Variants in TBP observed in about 807,000 individuals in gnomAD.
TBP encodes TATA-box-binding protein.
In TBP, 12 loss-of-function variants were observed where a neutral mutation model predicts 46.2. The ratio of observed to expected loss-of-function variants is 0.26; its 90% confidence interval spans 0.17 to 0.42. TBP has a LOEUF of 0.42. TBP is among the 10% of genes least tolerant of loss of function. TBP has a pLI of 1.00. For missense variants in TBP, 229 were observed against 403.1 expected, an observed-to-expected ratio of 0.57 and a Z score of 3.70; for synonymous variants, 157 against 148.3, an observed-to-expected ratio of 1.06 and a Z score of -0.42.
intron 2 of TBP, 136 bp from the exon 3 acceptor site, chr6:170,561,655 G>A (rs886958754): frequency 6.1e-6 from 9 of 1,475,392 alleles, no homozygotes; most frequent in South Asian, 2.7e-5. Flanking sequence ...TGGTTCTTCC[G>A]TAATTAATGT....
chr6:170,559,710 G>A (rs921343555), intron 2 of TBP, among the ~76,000 whole-genome samples: 1 of 152,180 alleles, frequency 6.6e-6, no homozygotes, highest in African/African-American at 2.4e-5. Context: ...TGATGAAGGT[G>A]ACTATACTAA....
chr6:170,571,291 ACTGTGTTTTAC>A (rs1416196497), intron 6 of TBP, 108 bp from the exon 7 acceptor site: 11 of 681,882 alleles, frequency 1.6e-5, no homozygotes, highest in Admixed American at 5.6e-5. Context: ...TGCTTGAAGA[ACTGTGTTTTAC>A]CTCTTGACTA....
chr6:170,569,322 C>T (rs1236927644), intron 5 of TBP, among the ~76,000 whole-genome samples: 3 of 152,156 alleles, frequency 2.0e-5, no homozygotes, highest in South Asian at 2.1e-4. Context: ...GGCTAAAATA[C>T]AGAAATAGTG....
Position 170,561,952 on chromosome 6 carries a change from ACAGCAACAGCAG to A in TBP, c.222_233del (p.Gln92_Gln95del), listed in dbSNP as rs1779149773. 21 of 210,698 alleles carry A rather than the reference ACAGCAACAGCAG, an allele frequency of 1.0e-4. No individual in the cohort carries two copies. Among genetic ancestry groups the A allele is most frequent in the Admixed American group, 4.0e-4 (3 of 7,438 alleles). 13.1% of individuals were successfully genotyped at this position (210,698 alleles called of 1,614,324 possible). A position where few individuals can be genotyped will look rare whatever the true frequency, so the allele number is the denominator to read the frequency against. On this transcript the variant is annotated inframe_deletion, in exon 3 of 8. Coordinates refer to ENST00000392092, the MANE Select transcript of TBP (RefSeq NM_003194.5). Reference sequence around the variant, plus strand: ...AGCAGCAGCAGCAGCAGCAGCAGCAACAGCAACAGCAGCAGCAGCAGCAGCAGCAGCAGCAGC... The same window carrying A: ...AGCAGCAGCAGCAGCAGCAGCAGCAACAGCAGCAGCAGCAGCAGCAGCAGC...
At chr6:170,568,555 C>T (rs556347756) in intron 5 of TBP, among the ~76,000 whole-genome samples, 2 of 151,608 alleles carry the variant, frequency 1.3e-5, no homozygotes, top group African/African-American at 4.8e-5. Flanking sequence ...CCTGGGTTCA[C>T]GCCATTCTCT....
chr6:170,571,368 C>G (rs1195324367), intron 6 of TBP, 42 bp from the exon 7 acceptor site: 3 of 1,440,118 alleles, frequency 2.1e-6, no homozygotes, highest in South Asian at 1.2e-5. Context: ...TAAAAGCACA[C>G]AAAGCTCTTG....
rs773452147 is a variant in TBP at position 170,572,315 on chromosome 6, A to G, written c.*50A>G. ...CCCACCCCCTTCTTTTTTTTTTTTTAAACAAATCAGTTTGTTTTGGTACCT... is the reference window on the plus strand; with the variant it reads ...CCCACCCCCTTCTTTTTTTTTTTTTGAACAAATCAGTTTGTTTTGGTACCT... On this transcript the variant is annotated 3_prime_UTR_variant, in exon 8 of 8. Transcript: ENST00000392092. The G allele has an allele frequency of 1.6e-6, 2 of 1,269,732 alleles. No individual in the cohort carries two copies. The highest frequency in any genetic ancestry group is 4.1e-5 in the Admixed American group (2 of 49,106). The allele number at this position is 1,269,732 out of a possible 1,614,324, so 78.7% of individuals were successfully genotyped here.
chr6:170,559,510 CAAAGTGTAATA>C (rs1779100341), intron 2 of TBP, among the ~76,000 whole-genome samples: 1 of 152,156 alleles, frequency 6.6e-6, no homozygotes, highest in Non-Finnish European at 1.5e-5. Flanking sequence ...CCCCTTAAGC[CAAAGTGTAATA>C]CAGAGCAAGG....
intron 5 of TBP, among the ~76,000 whole-genome samples, chr6:170,567,929 A>G (rs1779295130): frequency 6.6e-6 from 1 of 152,256 alleles, no homozygotes; most frequent in Non-Finnish European, 1.5e-5. Context: ...AAATGAACTG[A>G]ACAAATAAAC....
chr6:170,562,843 C>CT (rs767947135), intron 3 of TBP, among the ~76,000 whole-genome samples: 3 of 152,120 alleles, frequency 2.0e-5, no homozygotes, highest in Non-Finnish European at 4.4e-5. Context: ...AAGTGTATAG[C>CT]TTTTCATTTT....
chr6:170,572,314 T>C lies in TBP; in HGVS notation c.*49T>C. On this transcript the variant is annotated 3_prime_UTR_variant, in exon 8 of 8. Coordinates refer to ENST00000392092, the MANE Select transcript of TBP (RefSeq NM_003194.5). The stretch of plus-strand genomic sequence containing the variant: ...CCCCACCCCCTTCTTTTTTTTTTTT[T>C]AAACAAATCAGTTTGTTTTGGTACC... The C allele has an allele frequency of 7.6e-7, 1 of 1,316,210 alleles. No individual in the cohort carries two copies. The highest frequency in any genetic ancestry group is 1.3e-5 in the South Asian group (1 of 79,548). 81.5% of individuals were successfully genotyped at this position (1,316,210 alleles called of 1,614,324 possible).
chr6:170,564,617 C>T lies in TBP; in HGVS notation c.570C>T (p.Ala190=), dbSNP rs143116974. 5.0e-5 allele frequency: 80 copies of T among 1,608,314 alleles called. No individual in the cohort carries two copies. The African/African-American group carries it at 9.1e-4, about 18-fold the overall frequency. The change falls in exon 4 of 8, where the codon GCC becomes GCT. Residue 190 remains alanine (A), a synonymous_variant. Transcript: ENST00000392092. ...LKTIALRARN[A]EYNPKRFAAV... ...CCATTGCACTTCGTGCCCGAAACGCCGAATATAATCCCAAGGTTAGATCTA... is the reference window on the plus strand; with the variant it reads ...CCATTGCACTTCGTGCCCGAAACGCTGAATATAATCCCAAGGTTAGATCTA...
intron 1 of TBP, among the ~76,000 whole-genome samples, chr6:170,554,949 G>C (rs1778987802): frequency 6.6e-6 from 1 of 152,132 alleles, no homozygotes; most frequent in Admixed American, 6.5e-5. Flanking sequence ...AGGGTCTCCC[G>C]TCTCTCGGTT....
chr6:170,560,977 A>T (rs1324479700), intron 2 of TBP, among the ~76,000 whole-genome samples: 1 of 152,224 alleles, frequency 6.6e-6, no homozygotes, highest in African/African-American at 2.4e-5. Context: ...AAATGCTGTC[A>T]AATAGTATCA....
Position 170,556,947 on chromosome 6 carries a change from T to C in TBP, c.-83T>C. 3 of 1,315,772 alleles carry C rather than the reference T, an allele frequency of 2.3e-6. No individual in the cohort carries two copies. Among genetic ancestry groups the C allele is most frequent in the Non-Finnish European group, 3.3e-6 (3 of 912,298 alleles). The allele number at this position is 1,315,772 out of a possible 1,614,324, so 81.5% of individuals were successfully genotyped here. ...GAGGAAGTTGCTGAGAAGAGTGTGC[T>C]GGAGATGCTCTAGGAAAAAATTGAA... On this transcript the variant is annotated 5_prime_UTR_variant, in exon 2 of 8. Coordinates refer to ENST00000392092, the MANE Select transcript of TBP (RefSeq NM_003194.5).
At chr6:170,569,120 C>G (rs1003758146) in intron 5 of TBP, among the ~76,000 whole-genome samples, 5 of 152,144 alleles carry the variant, frequency 3.3e-5, no homozygotes, top group African/African-American at 9.7e-5. Flanking sequence ...GGCCCACATT[C>G]TGCTTTTCTT....
At chr6:170,556,344 A>G (rs1206587316) in intron 1 of TBP, among the ~76,000 whole-genome samples, 3 of 143,864 alleles carry the variant, frequency 2.1e-5, no homozygotes, top group Non-Finnish European at 4.5e-5. Flanking sequence ...ATAAAAATTC[A>G]GGGCTTTATC....
At chr6:170,559,090 T>C (rs1007822728) in intron 2 of TBP, among the ~76,000 whole-genome samples, 3 of 152,234 alleles carry the variant, frequency 2.0e-5, no homozygotes, top group Admixed American at 2.0e-4. Context: ...AGGAACTTAA[T>C]TGATAAATGT....
chr6:170,572,243 A>T lies in TBP; in HGVS notation c.998A>T (p.Lys333Met). ...EAFENIYPILKGFRKTT is the reference protein window; with the variant it reads ...EAFENIYPILMGFRKTT ...TTTGAAAACATCTACCCTATTCTAA[A>T]GGGATTCAGGAAGACGACGTAATGG... Residue 333 changes from lysine (K) to methionine (M), a missense_variant, in exon 8 of 8, where the codon AAG becomes ATG. Physicochemically the swap from Lys to Met is moderately conservative, Grantham distance 95. Around this residue, in one of 4 missense-constraint regions of TBP, gnomAD observed 44 missense variants for 54.1 expected, o/e 0.81. Coordinates refer to ENST00000392092, the MANE Select transcript of TBP (RefSeq NM_003194.5). 6.2e-7 allele frequency: 1 copy of T among 1,613,930 alleles called. No homozygotes were observed. The highest frequency in any genetic ancestry group is 8.5e-7 in the Non-Finnish European group (1 of 1,179,950).
Sources: gnomAD v4.1 joint callset for allele counts (sites outside exome capture counted in the v4.1 genomes callset) on GRCh38, gnomAD v4.1.1 for gene constraint, gnomAD v4.1.1 regional missense constraint, MANE v1.5 for transcripts, NCBI Gene and HGNC (gene_info 2026-07-23, HGNC 2026-07-21) for gene names.